RNASE12: variants seen among roughly 807,000 people sequenced by gnomAD.
RNASE12 encodes ribonuclease A family member 12 (inactive).
For missense variants in RNASE12, 161 were observed against 177.6 expected (o/e 0.91, Z 0.53); for synonymous variants, 55 against 59.8 (o/e 0.92, Z 0.37).
chr14:20,591,105 T>G (rs1424047254), upstream of RNASE12: 1 of 985,158 alleles, frequency 1.0e-6, no homozygotes, highest in African/African-American at 1.7e-5. Context: ...AGGTTATTCA[T>G]ATTGCTGAAT....
chr14:20,590,490 A>G, exon 1 of RNASE12: 1 of 1,614,236 alleles, frequency 6.2e-7, no homozygotes, highest in African/African-American at 1.3e-5. Flanking sequence ...AAATGCAAAT[A>G]CCATTGATTT....
At chr14:20,590,291 A>C in exon 1 of RNASE12, 1 of 1,613,436 alleles carries the variant, frequency 6.2e-7, no homozygotes, top group Non-Finnish European at 8.5e-7. Context: ...TATTTAACAT[A>C]GCCAAGGAAA....
upstream of RNASE12, chr14:20,591,288 A>G: frequency 4.1e-6 from 4 of 985,332 alleles, no homozygotes; most frequent in Non-Finnish European, 4.8e-6. Context: ...TGTCACAGGT[A>G]ACATAGCCTT....
chr14:20,590,750 T>C, exon 1 of RNASE12: 1 of 1,602,666 alleles, frequency 6.2e-7, no homozygotes, highest in Non-Finnish European at 8.5e-7. Flanking sequence ...TTCGCATCTT[T>C]GGCTTTGACT....
exon 1 of RNASE12, chr14:20,590,808 C>T (rs986730333): frequency 5.8e-6 from 9 of 1,554,100 alleles, no homozygotes; most frequent in Non-Finnish European, 7.8e-6. Context: ...AGTCAGATTC[C>T]TCCTGCTCCA....
In RNASE12 at chr14:20,590,780, T is replaced by G; in HGVS notation, c.-57A>C. The stretch of plus-strand genomic sequence containing the variant: ...TTGACTGCTGTTGAGTAAGGGAAGA[T>G]AGAAAGTAGCAAAGGACAGTCAGAT... On this transcript the variant is annotated 5_prime_UTR_variant, in exon 1 of 1. Transcript: ENST00000556526. 1 of 1,583,782 alleles carries G rather than the reference T, an allele frequency of 6.3e-7. No homozygotes were observed.
At chr14:20,590,950 C>G, upstream of RNASE12, 1 of 1,405,048 alleles carries the variant, frequency 7.1e-7, no homozygotes, top group Non-Finnish European at 9.3e-7. Flanking sequence ...TGCCAGCTCT[C>G]AGAGTTTGGT....
exon 1 of RNASE12, chr14:20,590,706 T>A (rs1884557838): frequency 6.2e-7 from 1 of 1,613,862 alleles, no homozygotes; most frequent in Non-Finnish European, 8.5e-7. Flanking sequence ...CCAAGAAAAT[T>A]ATCACCATTA....
exon 1 of RNASE12, chr14:20,590,503 C>T (rs764405769): frequency 8.1e-6 from 13 of 1,614,230 alleles, no homozygotes; most frequent in Admixed American, 5.0e-5. Flanking sequence ...ATTGATTTTT[C>T]GAGGCCTCTC....
At chr14:20,590,996 GT>G (rs1191166893), upstream of RNASE12, 3 of 985,258 alleles carry the variant, frequency 3.0e-6, no homozygotes, top group African/African-American at 3.5e-5. Flanking sequence ...TGTTGTGTTT[GT>G]TTTGTTCTAC....
chr14:20,590,293 C>T, exon 1 of RNASE12: 1 of 1,613,436 alleles, frequency 6.2e-7, no homozygotes, highest in Non-Finnish European at 8.5e-7. Flanking sequence ...TTTAACATAG[C>T]CAAGGAAACT....
upstream of RNASE12, chr14:20,591,097 G>T (rs1472316442): frequency 1.1e-5 from 11 of 985,314 alleles, no homozygotes; most frequent in South Asian, 1.9e-4. Flanking sequence ...AGTGGTCAAG[G>T]TTATTCATAT....
At chr14:20,590,706 T>G (rs1884557838) in exon 1 of RNASE12, 1 of 1,613,862 alleles carries the variant, frequency 6.2e-7, no homozygotes. Context: ...CCAAGAAAAT[T>G]ATCACCATTA....
At chr14:20,590,872 T>C (rs761450219), upstream of RNASE12, 10 of 1,456,058 alleles carry the variant, frequency 6.9e-6, no homozygotes, top group African/African-American at 1.4e-5. Context: ...TCTCCACTAA[T>C]TAAAATCACA....
rs184953545 is a variant in RNASE12 at position 20,590,327 on chromosome 14, T to C, written c.397A>G (p.Thr133Ala). ...CTATCTGGCCTCAAGTCATCACAAG[T>C]GACAAGAACAAACCCCTCTGTGGGG... The change falls in exon 1 of 1, where the codon ACT becomes GCT. Residue 133 changes from threonine (T) to alanine (A), a missense_variant. Coordinates refer to ENST00000556526, the Ensembl canonical transcript of RNASE12. 140 of 1,614,178 alleles carry C rather than the reference T, an allele frequency of 8.7e-5. No individual in the cohort carries two copies. The African/African-American group carries it at 1.5e-3, about 17-fold the overall frequency.
At chr14:20,590,126 C>A, downstream of RNASE12, 1 of 1,363,406 alleles carries the variant, frequency 7.3e-7, no homozygotes, top group South Asian at 1.5e-5. Flanking sequence ...AAAACAATCC[C>A]AACCCAGCAA....
chr14:20,590,180 C>A, downstream of RNASE12: 1 of 1,521,362 alleles, frequency 6.6e-7, no homozygotes, highest in Non-Finnish European at 8.8e-7. Context: ...CCCTTCCGCT[C>A]AAGGCATTGC....
rs768864047 is a variant in RNASE12, at chr14:20,590,556, C to T, written c.168G>A (p.Arg56=). The T allele has an allele frequency of 1.8e-5, 29 of 1,614,230 alleles. 1 individual carries two copies. The South Asian group carries it at 3.2e-4, about 18-fold the overall frequency. Residue 56 remains arginine, a synonymous_variant, in exon 1 of 1, where the codon AGG becomes AGA. Transcript: ENST00000556526. ...CCTTTTTACAAGTGTGGTCAGGTTCCCTGATAACTCTTTGTATGATCATGT... is the reference window on the plus strand; with the variant it reads ...CCTTTTTACAAGTGTGGTCAGGTTCTCTGATAACTCTTTGTATGATCATGT...
At chr14:20,590,270 T>A in exon 1 of RNASE12, 1 of 1,611,062 alleles carries the variant, frequency 6.2e-7, no homozygotes, top group Non-Finnish European at 8.5e-7. Context: ...ACTCGGGAGC[T>A]GATCTTGAGT....
Sources: allele counts gnomAD v4.1 joint callset, GRCh38; gene constraint gnomAD v4.1.1; transcripts MANE v1.5; gene names NCBI Gene and HGNC (gene_info 2026-07-23, HGNC 2026-07-21).